Variants in ADAMTSL3 observed in about 807,000 individuals in gnomAD.
The protein encoded by ADAMTSL3 is ADAMTS like 3, also known as ADAMTS-like protein 3.
A neutral mutation model predicts 201.7 loss-of-function variants in ADAMTSL3; 128 were observed. That is an observed-to-expected ratio of 0.63 (90% CI 0.55 to 0.73). The LOEUF (loss-of-function observed/expected upper bound fraction) is 0.73. Among genes scored for constraint, ADAMTSL3 ranks in the 30% least tolerant of loss-of-function variants. The pLI is 0.00. For missense variants in ADAMTSL3, 1,990 were observed against 2,119.6 expected (o/e 0.94, Z 1.20); for synonymous variants, 738 against 748.4 (o/e 0.99, Z 0.23).
chr15:83,728,719 G>C (rs1017393763), intron 3 of ADAMTSL3, among the ~76,000 whole-genome samples: 2 of 151,860 alleles, frequency 1.3e-5, no homozygotes, highest in Non-Finnish European at 2.9e-5. Flanking sequence ...GTCCTGAAAA[G>C]TTGTAGTTAT....
At chr15:83,886,894 A>G (rs766862391) in intron 10 of ADAMTSL3, among the ~76,000 whole-genome samples, 4 of 152,222 alleles carry the variant, frequency 2.6e-5, no homozygotes, top group Non-Finnish European at 5.9e-5. Context: ...GAAGAAGTTT[A>G]TGTCCCTGGA....
chr15:83,707,150 G>C (rs540010134), intron 3 of ADAMTSL3, among the ~76,000 whole-genome samples: 1 of 152,268 alleles, frequency 6.6e-6, no homozygotes, highest in Admixed American at 6.5e-5. Context: ...TGATTTGTCA[G>C]TTCTGCCATT....
chr15:83,695,934 A>G lies in ADAMTSL3; in HGVS notation c.70-8455A>G, dbSNP rs192623742. ...CATCATGGTTTTTTTTTGAAGAAAAATGTGTTGGGTGCACTGAGTTTAAGT... is the reference window on the plus strand; with the variant it reads ...CATCATGGTTTTTTTTTGAAGAAAAGTGTGTTGGGTGCACTGAGTTTAAGT... On this transcript the variant is annotated intron_variant, in intron 2 of 29. Coordinates refer to ENST00000286744, the MANE Select transcript of ADAMTSL3 (RefSeq NM_207517.3). Among the ~76,000 whole-genome samples, 9 of 152,156 alleles carry G rather than the reference A, an allele frequency of 5.9e-5. No homozygotes were observed. The East Asian group carries it at 1.4e-3, about 23-fold the overall frequency.
At position 83,890,302 on chromosome 15, in the gene ADAMTSL3, A is replaced by G; in HGVS notation, c.1211+55A>G. ...TTCAAAAAGAAACAAATCAGCTTCA[A>G]CTGAGACTGATCAATCTTTGCAGGG... is the stretch of plus-strand genomic sequence containing the variant. On this transcript the variant is annotated intron_variant, in intron 11 of 29. Transcript: ENST00000286744. The G allele has an allele frequency of 3.1e-6, 5 of 1,590,886 alleles. No individual in the cohort carries two copies. In the South Asian group the frequency reaches 4.6e-5, roughly 15 times the overall value.
chr15:83,991,669 T>G (rs1057029625), intron 23 of ADAMTSL3, among the ~76,000 whole-genome samples: 1 of 152,236 alleles, frequency 6.6e-6, no homozygotes, highest in Non-Finnish European at 1.5e-5. Flanking sequence ...TCCCCTGGCC[T>G]AGGCTCTCTT....
At chr15:84,037,101 C>A in intron 29 of ADAMTSL3, 114 bp downstream of exon 29, 14 of 1,099,280 alleles carry the variant, frequency 1.3e-5, no homozygotes, top group Non-Finnish European at 1.6e-5. Flanking sequence ...AGTGTCCCAA[C>A]TGAGGGGCTA....
intron 23 of ADAMTSL3, among the ~76,000 whole-genome samples, chr15:83,993,701 T>C (rs2067626061): frequency 6.6e-6 from 1 of 152,216 alleles, no homozygotes; most frequent in African/African-American, 2.4e-5. Context: ...CATATTTGCC[T>C]ATTTCTAAAG....
intron 4 of ADAMTSL3, among the ~76,000 whole-genome samples, chr15:83,785,587 T>A (rs1218908743): frequency 2.0e-5 from 3 of 152,154 alleles, no homozygotes; most frequent in Non-Finnish European, 4.4e-5. Context: ...TGTCTAGCTG[T>A]CAGTGTCATA....
At chr15:83,846,570 G>A (rs1467191106) in intron 7 of ADAMTSL3, among the ~76,000 whole-genome samples, 3 of 152,234 alleles carry the variant, frequency 2.0e-5, no homozygotes, top group Admixed American at 2.0e-4. Context: ...CCTTGGCAGA[G>A]CCCAGCCAGC....
At position 83,982,562 on chromosome 15, in the gene ADAMTSL3, C is replaced by T. The variant is rs775983292; in HGVS notation, c.2934C>T (p.Gly978=). 7 of 1,614,184 alleles carry T rather than the reference C, an allele frequency of 4.3e-6. No individual in the cohort carries two copies. Among genetic ancestry groups the T allele is most frequent in the South Asian group, 2.2e-5 (2 of 91,088 alleles). Residue 978 remains glycine, a synonymous_variant, in exon 21 of 30, where the codon GGC becomes GGT. Transcript: ENST00000286744. ...ATGGTCTTGCTGCCCCCGACATCGG[C>T]GTGTACCGGTGCATTGCAGGCTCTG... ...KIHGLAAPDI[G]VYRCIAGSAQ...
At chr15:83,810,315 A>G (rs2063672699) in intron 5 of ADAMTSL3, among the ~76,000 whole-genome samples, 1 of 152,182 alleles carries the variant, frequency 6.6e-6, no homozygotes, top group African/African-American at 2.4e-5. Flanking sequence ...GAATGCTGGA[A>G]GTCCAGATGG....
At chr15:83,696,286 T>A (rs1470426204) in intron 2 of ADAMTSL3, among the ~76,000 whole-genome samples, 2 of 152,220 alleles carry the variant, frequency 1.3e-5, no homozygotes, top group Non-Finnish European at 2.9e-5. Flanking sequence ...CACCGCTCAC[T>A]GCAGTGCGGC....
At chr15:83,727,869 C>T (rs552837889) in intron 3 of ADAMTSL3, among the ~76,000 whole-genome samples, 77 of 152,036 alleles carry the variant, frequency 5.1e-4, no homozygotes, top group African/African-American at 1.7e-3. Context: ...CTGTAAATAT[C>T]TATTAGGTTC....
chr15:83,855,862 T>C (rs2064720564), intron 7 of ADAMTSL3, among the ~76,000 whole-genome samples: 1 of 151,996 alleles, frequency 6.6e-6, no homozygotes, highest in South Asian at 2.1e-4. Flanking sequence ...AATTCAAAAA[T>C]TAGCCAGGCA....
intron 24 of ADAMTSL3, 51 bp from the exon 25 acceptor site, chr15:84,016,332 A>G (rs1256284241): frequency 6.9e-7 from 1 of 1,443,070 alleles, no homozygotes; most frequent in East Asian, 2.3e-5. Flanking sequence ...AGCTGGACCA[A>G]TAATTAGATA....
chr15:83,694,228 C>G (rs1359113667), intron 2 of ADAMTSL3: 2 of 152,238 alleles, frequency 1.3e-5, no homozygotes, highest in Non-Finnish European at 2.9e-5. Flanking sequence ...ACAAACAGCA[C>G]TTACTCTCAC....
At chr15:83,917,156 T>G (rs1426063842) in intron 16 of ADAMTSL3, among the ~76,000 whole-genome samples, 2 of 152,250 alleles carry the variant, frequency 1.3e-5, no homozygotes, top group Non-Finnish European at 2.9e-5. Flanking sequence ...TCAACATTCT[T>G]ATTTCTGCTG....
At chr15:83,678,948 G>A (rs2061443243) in intron 2 of ADAMTSL3, among the ~76,000 whole-genome samples, 1 of 148,622 alleles carries the variant, frequency 6.7e-6, no homozygotes, top group Non-Finnish European at 1.5e-5. Context: ...TCTCCTTTTT[G>A]TTCTGTGATA....
At chr15:83,806,706 C>T (rs1316755288) in intron 5 of ADAMTSL3, among the ~76,000 whole-genome samples, 1 of 151,860 alleles carries the variant, frequency 6.6e-6, no homozygotes, top group Non-Finnish European at 1.5e-5. Flanking sequence ...ATACAAAAAT[C>T]AGCCAGGTGT....
Sources: allele counts gnomAD v4.1 joint callset (sites outside exome capture counted in the v4.1 genomes callset), GRCh38; gene constraint gnomAD v4.1.1; transcripts MANE v1.5; gene names NCBI Gene and HGNC (gene_info 2026-07-23, HGNC 2026-07-21).